The following SRPK1 variants were observed in gnomAD, a reference collection of about 807,000 sequenced individuals.
SRPK1 encodes SRSF protein kinase 1, also known as SFRS protein kinase 1.
In SRPK1, 52 loss-of-function variants were observed where a neutral mutation model predicts 89.5. The observed-to-expected ratio is 0.58, with a 90% CI of 0.46 to 0.73. SRPK1 has a LOEUF of 0.73. SRPK1 is among the 30% of genes least tolerant of loss of function. The pLI, the probability that SRPK1 is intolerant of heterozygous loss-of-function variation, is 0.00. For missense variants in SRPK1, 603 were observed against 780.6 expected, an observed-to-expected ratio of 0.77 and a Z score of 2.71; for synonymous variants, 255 against 270.2, an observed-to-expected ratio of 0.94 and a Z score of 0.55.
rs964228591 is a variant in SRPK1 at position 35,835,204 on chromosome 6, T to C, written c.*100A>G. On this transcript the variant is annotated 3_prime_UTR_variant, in exon 16 of 16. Transcript: ENST00000373825. ...AAAAAAAAACAAGATCTAGAAACTC[T>C]TGAAGGAAGAGCTTCACCCTGAAAA... is the stretch of plus-strand genomic sequence containing the variant. 2.9e-5 allele frequency: 32 copies of C among 1,093,222 alleles called. No individual in the cohort carries two copies. In the African/African-American group the frequency reaches 4.9e-4, roughly 17 times the overall value. The allele number at this position is 1,093,222 out of a possible 1,614,324, so 67.7% of individuals were successfully genotyped here. A position where few individuals can be genotyped will look rare whatever the true frequency, so the allele number is the denominator to read the frequency against.
chr6:35,870,886 C>T, intron 9 of SRPK1, 48 bp downstream of exon 9: 1 of 1,498,238 alleles, frequency 6.7e-7, no homozygotes, highest in Non-Finnish European at 9.2e-7. Context: ...AGAACCCATG[C>T]CCATAGTCCA....
At chr6:35,880,742 A>AAAAAAAAAAAAAAAAAAAGAAAGAAAG in intron 6 of SRPK1, among the ~76,000 whole-genome samples, 31 of 28,048 alleles carry the variant, frequency 1.1e-3, no homozygotes, top group South Asian at 4.4e-3. Context: ...AAAGAAAAAA[A>AAAAAAAAAAAAAAAAAAAGAAAGAAAG]AAAAAAAAGA....
chr6:35,874,215 C>A lies in SRPK1; in HGVS notation c.585+18G>T. 1 of 1,544,270 alleles carries A rather than the reference C, an allele frequency of 6.5e-7. No individual in the cohort carries two copies. Among genetic ancestry groups the A allele is most frequent in the Non-Finnish European group, 8.9e-7 (1 of 1,122,042 alleles). On this transcript the variant is annotated intron_variant, in intron 7 of 15. Coordinates refer to ENST00000373825, the MANE Select transcript of SRPK1 (RefSeq NM_003137.5). ...TACATAGTCAAGACTAAGATACTTG[C>A]TGATTCAAGATACATACTTGCTGAA...
chr6:35,841,303 ATTAGGAATAT>A (rs1769300299), intron 14 of SRPK1, among the ~76,000 whole-genome samples: 1 of 152,232 alleles, frequency 6.6e-6, no homozygotes, highest in Non-Finnish European at 1.5e-5. Context: ...AATGGTATTC[ATTAGGAATAT>A]TAGCAGGTCC....
chr6:35,892,562 T>C (rs749135133), intron 2 of SRPK1, among the ~76,000 whole-genome samples: 2 of 151,810 alleles, frequency 1.3e-5, no homozygotes, highest in African/African-American at 2.4e-5. Flanking sequence ...TGAGGCACAA[T>C]AATCACTTGA....
chr6:35,888,109 C>T lies in SRPK1; in HGVS notation c.305G>A (p.Gly102Glu). The T allele has an allele frequency of 6.2e-7, 1 of 1,603,168 alleles. No individual in the cohort carries two copies. Among genetic ancestry groups the T allele is most frequent in the Non-Finnish European group, 8.5e-7 (1 of 1,176,164 alleles). The change falls in exon 5 of 16, where the codon GGG becomes GAG. Residue 102 changes from glycine (G) to glutamate (E), a missense_variant and splice_region_variant. Gly to Glu is a moderately conservative substitution (Grantham distance 98). Transcript: ENST00000373825. ...TACTTTCATTGCCACAAATTTCTTC[C>T]CCCTAAGAAACAAACACAGGCAATT... ...STVWLSWDIQGKKFVAMKVVK... is the reference protein window; with the variant it reads ...STVWLSWDIQEKKFVAMKVVK...
intron 2 of SRPK1, among the ~76,000 whole-genome samples, chr6:35,903,781 T>C (rs1770793480): frequency 6.6e-6 from 1 of 152,158 alleles, no homozygotes; most frequent in African/African-American, 2.4e-5. Context: ...CTCATCAATA[T>C]TGTTCAAGGC....
intron 6 of SRPK1, 103 bp downstream of exon 6, chr6:35,886,621 T>C (rs1770414554): frequency 4.2e-6 from 3 of 709,458 alleles, no homozygotes; most frequent in African/African-American, 1.8e-5. Flanking sequence ...AATTTTATTA[T>C]AGTTTGCCTT....
At chr6:35,900,964 A>G (rs949276649) in intron 2 of SRPK1, among the ~76,000 whole-genome samples, 1 of 152,180 alleles carries the variant, frequency 6.6e-6, no homozygotes, top group Non-Finnish European at 1.5e-5. Context: ...GGCCAGCCTG[A>G]GCAACACAGT....
chr6:35,910,390 A>G (rs542868286), intron 2 of SRPK1, among the ~76,000 whole-genome samples: 220 of 152,276 alleles, frequency 1.4e-3, no homozygotes, highest in Non-Finnish European at 2.5e-3. Flanking sequence ...AAGGCCCTGG[A>G]TTTTATGAAG....
At chr6:35,848,411 G>T (rs1485708969) in intron 13 of SRPK1, among the ~76,000 whole-genome samples, 1 of 152,112 alleles carries the variant, frequency 6.6e-6, no homozygotes, top group Non-Finnish European at 1.5e-5. Flanking sequence ...TACAAAAATA[G>T]TTGGATGTGG....
At chr6:35,887,304 C>G (rs1259709729) in intron 5 of SRPK1, among the ~76,000 whole-genome samples, 1 of 152,122 alleles carries the variant, frequency 6.6e-6, no homozygotes, top group Non-Finnish European at 1.5e-5. Flanking sequence ...TGGCTTGTGC[C>G]TGTAACCCCA....
intron 2 of SRPK1, among the ~76,000 whole-genome samples, chr6:35,896,830 TG>T (rs1770635342): frequency 6.6e-6 from 1 of 152,164 alleles, no homozygotes; most frequent in Admixed American, 6.5e-5. Flanking sequence ...ATAATCCAAA[TG>T]TCCACCAACT....
chr6:35,920,831 AG>A, intron 1 of SRPK1: 1 of 503,732 alleles, frequency 2.0e-6, no homozygotes, highest in Non-Finnish European at 3.4e-6. Flanking sequence ...GCGGGGAACA[AG>A]GGGCGGCTAC....
At chr6:35,867,347 C>T (rs1769928142) in intron 12 of SRPK1, among the ~76,000 whole-genome samples, 1 of 152,134 alleles carries the variant, frequency 6.6e-6, no homozygotes, top group Non-Finnish European at 1.5e-5. Context: ...TCTTATTAGT[C>T]AGTGCTAAGC....
rs1286740833 is a variant in SRPK1 at position 35,915,991 on chromosome 6, AATAT to A, written c.74+4473_74+4476del. Among the ~76,000 whole-genome samples the A allele has an allele frequency of 4.3e-4, 37 of 86,302 alleles. 2 individuals carry two copies. The highest frequency in any genetic ancestry group is 5.1e-3 in the Middle Eastern group (1 of 198). The allele number at this position is 86,302 out of a possible 152,430, so 56.6% of individuals were successfully genotyped here. A position where few individuals can be genotyped will look rare whatever the true frequency, so the allele number is the denominator to read the frequency against. ...TGTCTCAAAAACAAAAAAAAAAAAA[AATAT>A]ATACACACACACACACACACACACA... is the stretch of plus-strand genomic sequence containing the variant. On this transcript the variant is annotated intron_variant, in intron 2 of 15. Coordinates refer to ENST00000373825, the MANE Select transcript of SRPK1 (RefSeq NM_003137.5).
intron 5 of SRPK1, 22 bp downstream of exon 5, chr6:35,888,002 A>C: frequency 6.6e-7 from 1 of 1,520,782 alleles, no homozygotes; most frequent in African/African-American, 1.4e-5. Context: ...CTTCACATTC[A>C]TACATATAAT....
chr6:35,903,522 A>C (rs1286889523), intron 2 of SRPK1, among the ~76,000 whole-genome samples: 1 of 152,136 alleles, frequency 6.6e-6, no homozygotes, highest in Non-Finnish European at 1.5e-5. Context: ...AAAAAAAAAA[A>C]AAATCACAAC....
intron 6 of SRPK1, among the ~76,000 whole-genome samples, chr6:35,876,674 C>A (rs532011527): frequency 7.9e-5 from 12 of 152,252 alleles, no homozygotes; most frequent in African/African-American, 1.4e-4. Context: ...CAGCACCTAT[C>A]AAGTTTTCTG....
Sources: allele counts gnomAD v4.1 joint callset (sites outside exome capture counted in the v4.1 genomes callset), GRCh38; gene constraint gnomAD v4.1.1; transcripts MANE v1.5; gene names NCBI Gene and HGNC (gene_info 2026-07-23, HGNC 2026-07-21).